The following WFDC1 variants were observed in gnomAD, a reference collection of about 807,000 sequenced individuals.
The protein encoded by WFDC1 is WAP four-disulfide core domain protein 1.
In WFDC1, 39 loss-of-function variants were observed where a neutral mutation model predicts 32.9. The observed-to-expected ratio is 1.19, with a 90% confidence interval of 0.92 to 1.55. The LOEUF is 1.55. Among genes scored for constraint, WFDC1 ranks in the 40% most tolerant of loss-of-function variants. WFDC1 has a pLI of 0.00. For missense variants in WFDC1, 386 were observed against 309.5 expected, an observed-to-expected ratio of 1.25 and a Z score of -1.85; for synonymous variants, 184 against 137.4, an observed-to-expected ratio of 1.34 and a Z score of -2.37.
intron 6 of WFDC1, chr16:84,327,335 A>C (rs1193419259): frequency 1.1e-5 from 2 of 187,008 alleles, no homozygotes; most frequent in Non-Finnish European, 2.2e-5. Context: ...CTGGGACTAC[A>C]GACATACACC....
intron 1 of WFDC1, among the ~76,000 whole-genome samples, chr16:84,308,862 T>TGTAGACGCCAGCCTGGGC (rs1263914827): frequency 1.4e-5 from 2 of 140,970 alleles, no homozygotes; most frequent in Admixed American, 1.4e-4. Flanking sequence ...CCAGCCTGGG[T>TGTAGACGCCAGCCTGGGC]GTAGACGCCA....
At chr16:84,297,996 G>A (rs1017723900) in intron 1 of WFDC1, among the ~76,000 whole-genome samples, 12 of 152,170 alleles carry the variant, frequency 7.9e-5, no homozygotes, top group East Asian at 1.9e-4. Context: ...CTATGGGCTC[G>A]TCAGAGTGAG....
At chr16:84,296,726 G>T (rs931675455) in intron 1 of WFDC1, among the ~76,000 whole-genome samples, 2 of 152,204 alleles carry the variant, frequency 1.3e-5, no homozygotes, top group African/African-American at 2.4e-5. Context: ...GAAAGCTCAT[G>T]TGAGATGGTG....
At position 84,326,880 on chromosome 16, in the gene WFDC1, A is replaced by G; in HGVS notation, c.605-2A>G. 6.2e-7 allele frequency: 1 copy of G among 1,614,068 alleles called. No homozygotes were observed. Among genetic ancestry groups the G allele is most frequent in the Non-Finnish European group, 8.5e-7 (1 of 1,180,022 alleles). On this transcript the variant is annotated splice_acceptor_variant, in intron 5 of 6. Transcript: ENST00000219454. LOFTEE classifies it high-confidence loss of function. ...CCCAACAGAGCTGTGTTCTTTTCACAGAAGGTGACTCAAAGAATGTGGCAG... is the reference window on the plus strand; with the variant it reads ...CCCAACAGAGCTGTGTTCTTTTCACGGAAGGTGACTCAAAGAATGTGGCAG...
At chr16:84,312,790 C>T (rs1341289191) in intron 1 of WFDC1, among the ~76,000 whole-genome samples, 171 bp from the exon 2 acceptor site, 1 of 152,194 alleles carries the variant, frequency 6.6e-6, no homozygotes, top group African/African-American at 2.4e-5. Context: ...ATGGTATCTT[C>T]TGACCTTCTG....
intron 2 of WFDC1, among the ~76,000 whole-genome samples, chr16:84,314,846 C>T (rs1223261415): frequency 6.6e-6 from 1 of 152,236 alleles, no homozygotes; most frequent in Non-Finnish European, 1.5e-5. Context: ...CATAGGGATT[C>T]TAGCCTTGCC....
At chr16:84,317,357 A>G (rs1269522965) in intron 2 of WFDC1, 1 of 151,920 alleles carries the variant, frequency 6.6e-6, no homozygotes, top group Non-Finnish European at 1.5e-5. Context: ...ATAAATAAAT[A>G]GAATAAGAAC....
chr16:84,325,128 C>T (rs1323660903), intron 5 of WFDC1, among the ~76,000 whole-genome samples: 1 of 151,908 alleles, frequency 6.6e-6, no homozygotes, highest in Non-Finnish European at 1.5e-5. Context: ...CTTACCTATT[C>T]ACCAATCATC....
chr16:84,313,156 A>G lies in WFDC1; in HGVS notation c.337+3A>G. 7.0e-7 allele frequency: 1 copy of G among 1,425,666 alleles called. No individual in the cohort carries two copies. Among genetic ancestry groups the G allele is most frequent in the Non-Finnish European group, 9.1e-7 (1 of 1,097,554 alleles). The allele number at this position is 1,425,666 out of a possible 1,614,324, so 88.3% of individuals were successfully genotyped here. A position where few individuals can be genotyped will look rare whatever the true frequency, so the allele number is the denominator to read the frequency against. ...AGAAGCTGTGCCGCCCCCGCCAGGT[A>G]GGTCCTGGGCCCGAGGGAGGGGGCT... On this transcript the variant is annotated splice_donor_region_variant and intron_variant, in intron 2 of 6. Transcript: ENST00000219454.
intron 1 of WFDC1, among the ~76,000 whole-genome samples, chr16:84,301,594 G>C (rs1906939604): frequency 1.3e-5 from 2 of 152,138 alleles, no homozygotes; most frequent in Admixed American, 1.3e-4. Context: ...CCAGGAGGGG[G>C]TCTTCAAGGC....
Position 84,312,951 on chromosome 16 carries a change from C to T in WFDC1, c.145-10C>T. ...GCCCCAGAGCTGCTGACACCGCCCT[C>T]TCCCCGCAGGCCGAGGAGGCGGGCG... On this transcript the variant is annotated splice_polypyrimidine_tract_variant and intron_variant, in intron 1 of 6. Coordinates refer to ENST00000219454, the MANE Select transcript of WFDC1 (RefSeq NM_021197.4). 4.3e-6 allele frequency: 5 copies of T among 1,154,636 alleles called. No homozygotes were observed. Among genetic ancestry groups the T allele is most frequent in the Non-Finnish European group, 5.3e-6 (5 of 939,220 alleles). 71.5% of individuals were successfully genotyped at this position (1,154,636 alleles called of 1,614,324 possible).
chr16:84,306,505 C>T (rs1907267635), intron 1 of WFDC1, among the ~76,000 whole-genome samples: 1 of 152,210 alleles, frequency 6.6e-6, no homozygotes, highest in South Asian at 2.1e-4. Flanking sequence ...TTGAAAGCAT[C>T]CTTCCTCATC....
At position 84,305,730 on chromosome 16, in the gene WFDC1, G is replaced by A. The variant is rs185167273; in HGVS notation, c.145-7231G>A. Among the ~76,000 whole-genome samples the A allele has an allele frequency of 2.0e-3, 299 of 152,288 alleles. 3 individuals are homozygous for A. The highest frequency in any genetic ancestry group is 0.017 in the Admixed American group (253 of 15,288). On this transcript the variant is annotated intron_variant, in intron 1 of 6. Coordinates refer to ENST00000219454, the MANE Select transcript of WFDC1 (RefSeq NM_021197.4). Reference sequence around the variant, plus strand: ...ATTAAAAATAAAAGGAGCCAGGCGTGGTGGCTGACGCTTGTAATCCCAGCA... The same window carrying A: ...ATTAAAAATAAAAGGAGCCAGGCGTAGTGGCTGACGCTTGTAATCCCAGCA...
chr16:84,306,870 T>C (rs1388664908), intron 1 of WFDC1, among the ~76,000 whole-genome samples: 1 of 152,172 alleles, frequency 6.6e-6, no homozygotes, highest in Non-Finnish European at 1.5e-5. Context: ...GGGACACAGG[T>C]AAGAACAAAA....
chr16:84,324,706 C>T (rs1472999124), intron 5 of WFDC1, among the ~76,000 whole-genome samples: 1 of 152,158 alleles, frequency 6.6e-6, no homozygotes, highest in African/African-American at 2.4e-5. Flanking sequence ...ATATTTAAGC[C>T]TCTGCTACTT....
chr16:84,325,037 A>G (rs1453454360), intron 5 of WFDC1, among the ~76,000 whole-genome samples: 3 of 151,574 alleles, frequency 2.0e-5, no homozygotes, highest in African/African-American at 7.3e-5. Flanking sequence ...CCACATATTC[A>G]TCTATCTTTT....
rs1907744089 is a variant in WFDC1, at chr16:84,313,129, C to T, written c.313C>T (p.Leu105=). 1 of 1,444,858 alleles carries T rather than the reference C, an allele frequency of 6.9e-7. No individual in the cohort carries two copies. Among genetic ancestry groups the T allele is most frequent in the South Asian group, 1.4e-5 (1 of 70,668 alleles). The allele number at this position is 1,444,858 out of a possible 1,614,324, so 89.5% of individuals were successfully genotyped here. Residue 105 remains leucine (L), a synonymous_variant, in exon 2 of 7, where the codon CTA becomes TTA. Transcript: ENST00000219454. ...CCYNGCAYAC[L]EAVPPPPVLD... The stretch of plus-strand genomic sequence containing the variant: ...CTACAACGGATGCGCCTACGCCTGC[C>T]TAGAAGCTGTGCCGCCCCCGCCAGG...
chr16:84,313,084 C>T lies in WFDC1; in HGVS notation c.268C>T (p.Pro90Ser), dbSNP rs1349125172. The T allele has an allele frequency of 2.8e-6, 4 of 1,426,606 alleles. No individual in the cohort carries two copies. The highest frequency in any genetic ancestry group is 1.5e-5 in the African/African-American group (1 of 66,852). The allele number at this position is 1,426,606 out of a possible 1,614,324, so 88.4% of individuals were successfully genotyped here. The change falls in exon 2 of 7, where the codon CCG (proline) becomes TCG (serine). Residue 90 changes from proline (P) to serine (S), a missense_variant. By Grantham distance (74) the Pro-to-Ser change is moderately conservative. Coordinates refer to ENST00000219454, the MANE Select transcript of WFDC1 (RefSeq NM_021197.4). ...GCGCTGTCAGGCGGACTCCGAGTGC[C>T]CGCGGCACCGGCGCTGCTGCTACAA... ...AARCQADSEC[P>S]RHRRCCYNGC...
intron 1 of WFDC1, among the ~76,000 whole-genome samples, chr16:84,299,005 C>G (rs1406524696): frequency 3.9e-5 from 6 of 152,202 alleles, no homozygotes; most frequent in African/African-American, 1.4e-4. Context: ...CCCACAGTTC[C>G]CTGACTGGCA....
Sources: allele counts gnomAD v4.1 joint callset (sites outside exome capture counted in the v4.1 genomes callset), GRCh38; gene constraint gnomAD v4.1.1; transcripts MANE v1.5; gene names NCBI Gene and HGNC (gene_info 2026-07-23, HGNC 2026-07-21).